The following SNX13 variants were observed in gnomAD, a reference collection of about 807,000 sequenced individuals.
The protein encoded by SNX13 is sorting nexin-13.
A neutral mutation model predicts 133.6 loss-of-function variants in SNX13; 45 were observed. The observed-to-expected ratio is 0.34, with a 90% CI of 0.27 to 0.43. The LOEUF (loss-of-function observed/expected upper bound fraction) is 0.43. SNX13 is among the 20% of genes least tolerant of loss of function. SNX13 has a pLI of 1.00. For synonymous variants in SNX13, 414 were observed against 373.9 expected (o/e 1.11, Z -1.24); for missense variants, 1,032 against 1,145.1 (o/e 0.90, Z 1.43).
chr7:17,868,493 GA>G lies in SNX13; in HGVS notation c.754-4del, dbSNP rs201544188. 2.2e-5 allele frequency: 35 copies of G among 1,582,078 alleles called. No individual in the cohort carries two copies. Among genetic ancestry groups the G allele is most frequent in the Admixed American group, 1.6e-4 (9 of 55,264 alleles). On this transcript the variant is annotated splice_region_variant and splice_polypyrimidine_tract_variant and intron_variant, in intron 8 of 25. Coordinates refer to ENST00000428135, the MANE Select transcript of SNX13 (RefSeq NM_015132.5). ...AGAATTCCTCGTGCAAGGATTTCCT[GA>G]AAAAAAAGTAAATAACAAAAACAAA...
At chr7:17,803,657 T>C (rs533715832) in intron 20 of SNX13, 77 bp from the exon 21 acceptor site, 61 of 1,301,650 alleles carry the variant, frequency 4.7e-5, no homozygotes, top group Non-Finnish European at 5.9e-5. Context: ...TTGGAAAATA[T>C]AGAGTGCAAC....
intron 1 of SNX13, among the ~76,000 whole-genome samples, chr7:17,918,507 C>T (rs1003824182): frequency 3.3e-5 from 5 of 151,794 alleles, no homozygotes; most frequent in African/African-American, 1.2e-4. Flanking sequence ...AAGCAGCCAA[C>T]ATATTTTTTA....
intron 1 of SNX13, among the ~76,000 whole-genome samples, chr7:17,939,631 T>C (rs1802540865): frequency 6.6e-6 from 1 of 152,086 alleles, no homozygotes; most frequent in Non-Finnish European, 1.5e-5. Context: ...AACTATTCCA[T>C]AGGGAGTAAC....
intron 1 of SNX13, among the ~76,000 whole-genome samples, chr7:17,920,627 C>T (rs900970447): frequency 6.6e-6 from 1 of 152,270 alleles, no homozygotes; most frequent in Non-Finnish European, 1.5e-5. Context: ...TTTATTCTTA[C>T]AAAAACTTTG....
At chr7:17,842,761 A>G (rs2128318704) in intron 12 of SNX13, among the ~76,000 whole-genome samples, 1 of 152,166 alleles carries the variant, frequency 6.6e-6, no homozygotes, top group East Asian at 1.9e-4. Flanking sequence ...TGAACACACA[A>G]TTTGTAAAGA....
At position 17,834,117 on chromosome 7, in the gene SNX13, C is replaced by T. The variant is rs377458455; in HGVS notation, c.1532G>A (p.Arg511His). The change falls in exon 15 of 26, where the codon CGC (arginine) becomes CAC (histidine). Residue 511 changes from arginine (R) to histidine (H), a missense_variant. Physicochemically the swap from Arg to His is conservative, Grantham distance 29. Coordinates refer to ENST00000428135, the MANE Select transcript of SNX13 (RefSeq NM_015132.5). ...TAACATGTCAAGCTCAGCTAACATG[C>T]GCACATAAAGTGCATTCTGTCTGAA... ...PSFRQNALYV[R>H]MLAELDMLKD... The T allele has an allele frequency of 2.2e-5, 35 of 1,591,806 alleles. No individual in the cohort carries two copies. The highest frequency in any genetic ancestry group is 2.4e-5 in the Non-Finnish European group (28 of 1,166,100).
At chr7:17,807,383 A>G (rs1785431156) in intron 20 of SNX13, among the ~76,000 whole-genome samples, 1 of 152,172 alleles carries the variant, frequency 6.6e-6, no homozygotes, top group Non-Finnish European at 1.5e-5. Context: ...GGCGGAGCCC[A>G]CCACAACTCA....
chr7:17,809,801 T>G (rs1785784639), intron 20 of SNX13, among the ~76,000 whole-genome samples: 1 of 152,084 alleles, frequency 6.6e-6, no homozygotes, highest in South Asian at 2.1e-4. Context: ...AAATTAGAAC[T>G]CAGGATTAAG....
chr7:17,898,900 C>G (rs555775098), intron 1 of SNX13: 1 of 152,290 alleles, frequency 6.6e-6, no homozygotes, highest in South Asian at 2.1e-4. Context: ...ACATCTTGGC[C>G]ACTTTTATCT....
chr7:17,821,732 A>C, intron 17 of SNX13, 84 bp from the exon 18 acceptor site: 2 of 1,450,346 alleles, frequency 1.4e-6, no homozygotes, highest in Non-Finnish European at 1.9e-6. Flanking sequence ...AAAAAGGAGG[A>C]AGATGAAGAA....
chr7:17,894,274 G>A (rs59765467), intron 2 of SNX13, among the ~76,000 whole-genome samples: 11,946 of 151,752 alleles, frequency 0.079, 541 homozygotes, highest in South Asian at 0.15. Context: ...CTGCACTCTA[G>A]CGACAGAGTA....
intron 5 of SNX13, among the ~76,000 whole-genome samples, chr7:17,884,109 TAAG>T (rs1795691454): frequency 6.6e-6 from 1 of 152,118 alleles, no homozygotes; most frequent in Admixed American, 6.5e-5. Flanking sequence ...TTAAAATATA[TAAG>T]AAGAATTATA....
rs1426460213 is a variant in SNX13, at chr7:17,873,615, T to C, written c.666A>G (p.Gly222=). 14 of 1,548,180 alleles carry C rather than the reference T, an allele frequency of 9.0e-6. No individual in the cohort carries two copies. The highest frequency in any genetic ancestry group is 1.0e-5 in the Non-Finnish European group (12 of 1,146,070). The change falls in exon 8 of 26, where the codon GGA becomes GGG. Residue 222 remains glycine (G), a splice_region_variant and synonymous_variant. Transcript: ENST00000428135. The part of the protein sequence containing the change: ...LVCTSPKDEE[G]FLRDLCEVLL... ...AGACCTCACACAAATCCCTTAGGAA[T>C]CCTAAAAGTAGAAAAAGTAGCTATC... is the stretch of plus-strand genomic sequence containing the variant.
At chr7:17,826,952 G>C (rs1787977267) in intron 16 of SNX13, among the ~76,000 whole-genome samples, 1 of 151,992 alleles carries the variant, frequency 6.6e-6, no homozygotes, top group African/African-American at 2.4e-5. Flanking sequence ...TTAAATTTAG[G>C]GAAGATTCTC....
At chr7:17,823,137 G>T (rs1232210325) in intron 17 of SNX13, among the ~76,000 whole-genome samples, 1 of 152,104 alleles carries the variant, frequency 6.6e-6, no homozygotes, top group Non-Finnish European at 1.5e-5. Flanking sequence ...CAGTCTTTAT[G>T]CTACTATGAG....
intron 9 of SNX13, among the ~76,000 whole-genome samples, chr7:17,861,893 T>A (rs1792751524): frequency 6.6e-6 from 1 of 152,178 alleles, no homozygotes; most frequent in Admixed American, 6.5e-5. Context: ...TAAAGCTTTT[T>A]AACAAACTTC....
At position 17,834,798 on chromosome 7, in the gene SNX13, T is replaced by G. The variant is rs775710074; in HGVS notation, c.1427A>C (p.Asp476Ala). 2 of 1,609,848 alleles carry G rather than the reference T, an allele frequency of 1.2e-6. No individual in the cohort carries two copies. The highest frequency in any genetic ancestry group is 1.7e-6 in the Non-Finnish European group (2 of 1,177,216). The stretch of plus-strand genomic sequence containing the variant: ...GTCATCAAAGATTTCAGGGGTTGGA[T>G]CTTCATGATTCAAAGTATCTGCTAA... ...AKLADTLNHE[D>A]PTPEIFDDIQ... The change falls in exon 14 of 26, where the codon GAT (aspartate) becomes GCT (alanine). Residue 476 changes from aspartate to alanine, a missense_variant. Asp to Ala is a moderately radical substitution (Grantham distance 126, BLOSUM62 -2). Transcript: ENST00000428135.
intron 17 of SNX13, 59 bp downstream of exon 17, chr7:17,825,963 A>T: frequency 8.2e-7 from 1 of 1,226,368 alleles, no homozygotes; most frequent in Non-Finnish European, 1.1e-6. Context: ...GTGGAAAATT[A>T]TTTAGGGATA....
At chr7:17,852,016 G>C (rs1791269806) in intron 9 of SNX13, among the ~76,000 whole-genome samples, 1 of 152,108 alleles carries the variant, frequency 6.6e-6, no homozygotes, top group Admixed American at 6.6e-5. Context: ...GACTGAGAAA[G>C]GCCAAAAACG....
Sources: gnomAD v4.1 joint callset for allele counts (sites outside exome capture counted in the v4.1 genomes callset) on GRCh38, gnomAD v4.1.1 for gene constraint, MANE v1.5 for transcripts, NCBI Gene and HGNC (gene_info 2026-07-23, HGNC 2026-07-21) for gene names.